Variants in RECQL5 observed in about 807,000 individuals in gnomAD.
RECQL5 encodes ATP-dependent DNA helicase Q5.
RECQL5 carries 88 observed loss-of-function variants against 103.4 expected under a neutral mutation model. The observed-to-expected ratio is 0.85, with a 90% CI of 0.72 to 1.02. RECQL5 has a LOEUF of 1.02. Ranked by LOEUF, RECQL5 falls within the 50% of genes least tolerant of loss-of-function variation. The pLI is 0.00. For missense variants in RECQL5, 1,232 were observed against 1,284.3 expected, an observed-to-expected ratio of 0.96 and a Z score of 0.62; for synonymous variants, 552 against 507.9, an observed-to-expected ratio of 1.09 and a Z score of -1.17.
In RECQL5 at chr17:75,636,457, G is replaced by A. The variant is rs563538281; in HGVS notation, c.1230-4789C>T. On this transcript the variant is annotated intron_variant, in intron 8 of 19. Transcript: ENST00000317905. The surrounding 1 kb of genome is among the most constrained non-coding windows in gnomAD (Gnocchi z 5.4). Reference sequence around the variant, plus strand: ...GCCAAACCTAGGAAGGGAAAGGGGAGGAGAGGTGGCCAGCCTCAGAGCTCC... The same window carrying A: ...GCCAAACCTAGGAAGGGAAAGGGGAAGAGAGGTGGCCAGCCTCAGAGCTCC... 73 of 152,394 alleles carry A rather than the reference G, an allele frequency of 4.8e-4. 1 individual carries two copies. Among genetic ancestry groups the A allele is most frequent in the African/African-American group, 1.5e-3 (62 of 41,574 alleles). 9.4% of individuals were successfully genotyped at this position (152,394 alleles called of 1,614,324 possible).
intron 16 of RECQL5, 41 bp downstream of exon 16, chr17:75,628,893 G>C (rs201129454): frequency 6.3e-7 from 1 of 1,582,462 alleles, no homozygotes; most frequent in Non-Finnish European, 8.5e-7. Flanking sequence ...GGATGCTGCC[G>C]TGTAGGTTCC....
chr17:75,648,810 C>G (rs1347142657), intron 8 of RECQL5: 1 of 151,312 alleles, frequency 6.6e-6, no homozygotes, highest in Non-Finnish European at 1.5e-5. Context: ...GCAGCTGGGA[C>G]TACAGGCATG....
rs748969745 is a variant in RECQL5, at chr17:75,651,133, G to C, written c.1229+53C>G. On this transcript the variant is annotated intron_variant, in intron 8 of 19. Coordinates refer to ENST00000317905, the MANE Select transcript of RECQL5 (RefSeq NM_004259.7). ...AGCTGCTTAACTAGGGCGTGCCGGGGAAGTAAATGATCTCACTGACACTTT... is the reference window on the plus strand; with the variant it reads ...AGCTGCTTAACTAGGGCGTGCCGGGCAAGTAAATGATCTCACTGACACTTT... 5 of 1,613,750 alleles carry C rather than the reference G, an allele frequency of 3.1e-6. No homozygotes were observed. In the African/African-American group the frequency reaches 5.3e-5, roughly 17 times the overall value.
intron 6 of RECQL5, among the ~76,000 whole-genome samples, chr17:75,660,631 A>G (rs1270386010): frequency 1.3e-5 from 2 of 152,240 alleles, no homozygotes; most frequent in Non-Finnish European, 2.9e-5. Context: ...CATGAGGTGC[A>G]TGACTATAGT....
chr17:75,647,718 C>T (rs1356101960), intron 8 of RECQL5: 9 of 740,082 alleles, frequency 1.2e-5, no homozygotes, highest in Non-Finnish European at 1.6e-5. Flanking sequence ...AATACTGTAT[C>T]TGGCTTAGGG....
chr17:75,633,438 G>T, intron 8 of RECQL5: 2 of 1,288,992 alleles, frequency 1.6e-6, no homozygotes, highest in Non-Finnish European at 2.0e-6. Context: ...TGCGGTCACA[G>T]CCCCAGCAGA....
rs940509159 is a variant in RECQL5, at chr17:75,661,137, T to G, written c.875-71A>C. The G allele has an allele frequency of 3.3e-6, 4 of 1,199,106 alleles. No individual in the cohort carries two copies. In the East Asian group the frequency reaches 9.3e-5, roughly 28 times the overall value. The allele number at this position is 1,199,106 out of a possible 1,614,324, so 74.3% of individuals were successfully genotyped here. A position where few individuals can be genotyped will look rare whatever the true frequency, so the allele number is the denominator to read the frequency against. ...GGTTTACCGGGGGCCTATTTTGGGT[T>G]TGACACTGTGTGCTAGGCACTTCAC... On this transcript the variant is annotated intron_variant, in intron 5 of 19. Coordinates refer to ENST00000317905, the MANE Select transcript of RECQL5 (RefSeq NM_004259.7).
chr17:75,658,363 A>ACT lies in RECQL5; in HGVS notation c.1083_1084insAG (p.Tyr362SerfsTer14), dbSNP rs2059654895. 6.2e-7 allele frequency: 1 copy of ACT among 1,613,896 alleles called. No individual in the cohort carries two copies. The highest frequency in any genetic ancestry group is 1.1e-5 in the South Asian group (1 of 91,076). On this transcript the variant is annotated frameshift_variant, in exon 7 of 20. Transcript: ENST00000317905. LOFTEE classifies it high-confidence loss of function. ...TGGTCCCGGTCATTCCTGGAGTAATAGAGACGGCACCAGGAAGGCTTCCCA... is the reference window on the plus strand; with the variant it reads ...TGGTCCCGGTCATTCCTGGAGTAATACTGAGACGGCACCAGGAAGGCTTCCCA...
intron 6 of RECQL5, among the ~76,000 whole-genome samples, chr17:75,660,674 TA>T (rs2059687425): frequency 6.6e-6 from 1 of 152,242 alleles, no homozygotes; most frequent in Admixed American, 6.5e-5. Flanking sequence ...AGGATCCACC[TA>T]CTGAGATGTG....
At chr17:75,664,054 CAAA>C (rs34569441) in intron 3 of RECQL5, among the ~76,000 whole-genome samples, 6 of 105,714 alleles carry the variant, frequency 5.7e-5, no homozygotes, top group African/African-American at 1.0e-4. Context: ...AACTCCATCT[CAAA>C]AAAAAAAAAA....
chr17:75,646,179 AG>A (rs5822098), intron 8 of RECQL5: 149,205 of 152,320 alleles, frequency 0.98, 73,166 homozygotes, highest in Middle Eastern at 1. Context: ...GGGAAGCCTC[AG>A]GGGGGGAGCA....
At chr17:75,628,149 G>A (rs1252014832) in intron 18 of RECQL5, 69 bp downstream of exon 18, 1 of 1,319,054 alleles carries the variant, frequency 7.6e-7, no homozygotes, top group Admixed American at 1.7e-5. Context: ...CAAACTCCCT[G>A]CCTCCCACCC....
At position 75,662,480 on chromosome 17, in the gene RECQL5, C is replaced by G; in HGVS notation, c.770G>C (p.Gly257Ala). 1.9e-6 allele frequency: 3 copies of G among 1,612,536 alleles called. No homozygotes were observed. The highest frequency in any genetic ancestry group is 2.5e-6 in the Non-Finnish European group (3 of 1,178,948). ...LKALGQEADKGLSGCGIVYCR... is the reference protein window; with the variant it reads ...LKALGQEADKALSGCGIVYCR... The stretch of plus-strand genomic sequence containing the variant: ...TTGGCCTCCACCTCAATGCCTCACC[C>G]CTTTATCAGCCTCCTGTCCAAGAGC... Residue 257 changes from glycine to alanine, a missense_variant and splice_region_variant, in exon 4 of 20, where the codon GGG becomes GCG. By Grantham distance (60) the Gly-to-Ala change is moderately conservative. Transcript: ENST00000317905.
chr17:75,649,660 G>A (rs559229454), intron 8 of RECQL5: 6 of 985,454 alleles, frequency 6.1e-6, no homozygotes, highest in East Asian at 1.1e-4. Context: ...TGTGCTACAC[G>A]CCAGTTATGC....
In RECQL5 at chr17:75,627,710, A is replaced by AAGAG. The variant is rs769339630; in HGVS notation, c.2806-22_2806-19dup. On this transcript the variant is annotated intron_variant, in intron 18 of 19. Coordinates refer to ENST00000317905, the MANE Select transcript of RECQL5 (RefSeq NM_004259.7). The stretch of plus-strand genomic sequence containing the variant: ...AACAACTCCTGGAAGGGAGAGGGAG[A>AAGAG]AGAGAAGCAGAGAGCAGGACCCTTG... 19 of 1,593,008 alleles carry AAGAG rather than the reference A, an allele frequency of 1.2e-5. No individual in the cohort carries two copies. In the African/African-American group the frequency reaches 2.5e-4, roughly 21 times the overall value.
At chr17:75,652,909 T>C (rs1221086444) in intron 7 of RECQL5, among the ~76,000 whole-genome samples, 1 of 152,186 alleles carries the variant, frequency 6.6e-6, no homozygotes, top group Non-Finnish European at 1.5e-5. Context: ...AAATCCAAAC[T>C]GTTTTCTCAT....
Position 75,667,149 on chromosome 17 carries a change from G to C in RECQL5, c.-120C>G. On this transcript the variant is annotated 5_prime_UTR_variant, in exon 1 of 20. Transcript: ENST00000317905. ...CAACTCAGAGAAGCCAAAGCGCTGG[G>C]AATTCAGCTTTAGGCAGAACCCACG... 1 of 570,090 alleles carries C rather than the reference G, an allele frequency of 1.8e-6. No homozygotes were observed. The highest frequency in any genetic ancestry group is 3.1e-6 in the Non-Finnish European group (1 of 321,380). The allele number at this position is 570,090 out of a possible 1,614,324, so 35.3% of individuals were successfully genotyped here.
Position 75,656,353 on chromosome 17 carries a change from C to A in RECQL5, c.1149+1945G>T, listed in dbSNP as rs556090639. On this transcript the variant is annotated intron_variant, in intron 7 of 19. Coordinates refer to ENST00000317905, the MANE Select transcript of RECQL5 (RefSeq NM_004259.7). ...TCAGCCTCCCAAAGTGCTGGGATTA[C>A]AGGCGTGAGCCACCGCACCCAGCCT... is the stretch of plus-strand genomic sequence containing the variant. Among the ~76,000 whole-genome samples, 3 of 152,356 alleles carry A rather than the reference C, an allele frequency of 2.0e-5. No homozygotes were observed. The South Asian group carries it at 6.2e-4, about 32-fold the overall frequency.
chr17:75,666,765 G>A (rs2059790904), intron 1 of RECQL5, 194 bp from the exon 2 acceptor site: 2 of 577,034 alleles, frequency 3.5e-6, no homozygotes, highest in Non-Finnish European at 6.1e-6. Flanking sequence ...CCACTTTTAC[G>A]CTCAATGAAA....
Sources: gnomAD v4.1 joint callset for allele counts (sites outside exome capture counted in the v4.1 genomes callset) on GRCh38, gnomAD v4.1.1 for gene constraint, Gnocchi (gnomAD v3.1) non-coding constraint, MANE v1.5 for transcripts, NCBI Gene and HGNC (gene_info 2026-07-23, HGNC 2026-07-21) for gene names.